The following NTM variants were observed in gnomAD, a reference collection of about 807,000 sequenced individuals.
The protein encoded by NTM is neurotrimin, also known as IgLON family member 2.
Under a neutral mutation model 42.1 loss-of-function variants are expected in NTM, and 13 were observed. That is an observed-to-expected ratio of 0.31 (90% CI 0.20 to 0.49). The LOEUF is 0.49. Ranked by LOEUF, NTM falls within the 20% of genes least tolerant of loss-of-function variation. NTM has a pLI of 0.99. For missense variants in NTM, 373 were observed against 452.8 expected (o/e 0.82, Z 1.60); for synonymous variants, 187 against 179.2 (o/e 1.04, Z -0.35).
chr11:131,394,758 G>A (rs905934014), intron 1 of NTM, among the ~76,000 whole-genome samples: 7 of 152,112 alleles, frequency 4.6e-5, no homozygotes, highest in Admixed American at 1.3e-4. Flanking sequence ...GCATCTCAGC[G>A]TCGAGCTCAG....
intron 1 of NTM, among the ~76,000 whole-genome samples, chr11:131,644,416 T>C (rs2065518025): frequency 6.6e-6 from 1 of 152,202 alleles, no homozygotes; most frequent in Non-Finnish European, 1.5e-5. Flanking sequence ...TTTCCCATTC[T>C]GTTCTTTTGA....
chr11:132,228,293 C>T (rs1384539485), intron 4 of NTM, among the ~76,000 whole-genome samples: 3 of 152,172 alleles, frequency 2.0e-5, no homozygotes, highest in Non-Finnish European at 4.4e-5. Flanking sequence ...GCTGTGAATT[C>T]TACATCAAGG....
chr11:131,759,512 C>T (rs1045350083), intron 1 of NTM, among the ~76,000 whole-genome samples: 1 of 152,094 alleles, frequency 6.6e-6, no homozygotes, highest in African/African-American at 2.4e-5. Context: ...CTTCTCTCTT[C>T]CTCCTTTTTT....
At chr11:131,673,659 T>C (rs1195319611) in intron 1 of NTM, among the ~76,000 whole-genome samples, 2 of 152,294 alleles carry the variant, frequency 1.3e-5, no homozygotes, top group Admixed American at 6.5e-5. Context: ...CATCCCTCAC[T>C]GGGAGCACTG....
intron 2 of NTM, among the ~76,000 whole-genome samples, chr11:132,138,307 G>T (rs79638040): frequency 3.9e-5 from 6 of 152,122 alleles, no homozygotes; most frequent in Admixed American, 6.5e-5. Context: ...CACTCATGGG[G>T]GAACAGCAAA....
chr11:131,918,054 A>G (rs1012221962), intron 2 of NTM, among the ~76,000 whole-genome samples: 1 of 152,164 alleles, frequency 6.6e-6, no homozygotes, highest in Non-Finnish European at 1.5e-5. Flanking sequence ...CCTCTTTTAA[A>G]TGCATTGCGT....
At chr11:131,376,847 G>T (rs1942038370) in intron 1 of NTM, among the ~76,000 whole-genome samples, 1 of 152,136 alleles carries the variant, frequency 6.6e-6, no homozygotes, top group African/African-American at 2.4e-5. Flanking sequence ...CCATCTGGTT[G>T]TTTATTTGCC....
At chr11:131,797,936 A>G (rs2091750234) in intron 1 of NTM, among the ~76,000 whole-genome samples, 1 of 151,982 alleles carries the variant, frequency 6.6e-6, no homozygotes, top group Non-Finnish European at 1.5e-5. Flanking sequence ...CACGCATTCA[A>G]CTCGGTTTTG....
intron 1 of NTM, among the ~76,000 whole-genome samples, chr11:131,777,449 A>G: frequency 1.3e-5 from 1 of 76,586 alleles, no homozygotes; most frequent in African/African-American, 5.4e-5. Flanking sequence ...CCCACCCCCC[A>G]CCCCATGCAA....
In NTM at chr11:131,670,294, T is replaced by C. The variant is rs546411317; in HGVS notation, c.83-241270T>C. ...GCAAAATGAACCAAAGAAGGAAAAA[T>C]AGAAAAAAATTGCTCTCAAATCTTT... On this transcript the variant is annotated intron_variant, in intron 1 of 8. Coordinates refer to ENST00000683400, the MANE Select transcript of NTM (RefSeq NM_001352005.2). Among the ~76,000 whole-genome samples the C allele has an allele frequency of 3.3e-5, 5 of 152,054 alleles. No homozygotes were observed. In the South Asian group the frequency reaches 1.0e-3, roughly 32 times the overall value.
chr11:132,012,523 C>T (rs1046339864), intron 2 of NTM, among the ~76,000 whole-genome samples: 6 of 152,040 alleles, frequency 3.9e-5, no homozygotes, highest in East Asian at 3.9e-4. Context: ...ATAAAGAAGA[C>T]GTATAAGAAA....
At chr11:132,125,136 G>T (rs1031361972) in intron 2 of NTM, among the ~76,000 whole-genome samples, 6 of 152,222 alleles carry the variant, frequency 3.9e-5, no homozygotes, top group Non-Finnish European at 8.8e-5. Context: ...AACGCAAACG[G>T]ATGGGCTCAC....
chr11:131,991,039 C>T (rs750796496), intron 2 of NTM, among the ~76,000 whole-genome samples: 8 of 152,062 alleles, frequency 5.3e-5, no homozygotes, highest in Admixed American at 1.3e-4. Context: ...ATGGGCTCAA[C>T]GACTCATTCA....
chr11:132,220,279 C>G (rs527541535), intron 4 of NTM, among the ~76,000 whole-genome samples: 1 of 152,294 alleles, frequency 6.6e-6, no homozygotes, highest in Admixed American at 6.5e-5. Flanking sequence ...GGCTTAAACA[C>G]AGACAGGCAG....
At chr11:131,568,297 G>T (rs1181081935) in intron 1 of NTM, among the ~76,000 whole-genome samples, 1 of 152,202 alleles carries the variant, frequency 6.6e-6, no homozygotes, top group East Asian at 1.9e-4. Flanking sequence ...CAGTCCTCTT[G>T]CAAGACAGTG....
intron 4 of NTM, among the ~76,000 whole-genome samples, chr11:132,219,050 T>C (rs1200990539): frequency 6.6e-6 from 1 of 151,636 alleles, no homozygotes; most frequent in Non-Finnish European, 1.5e-5. Flanking sequence ...CTAGACCCCA[T>C]TTTCTCCACA....
intron 1 of NTM, among the ~76,000 whole-genome samples, chr11:131,432,419 A>G (rs140994014): frequency 9.8e-5 from 15 of 152,308 alleles, no homozygotes; most frequent in African/African-American, 2.9e-4. Flanking sequence ...TCTTCTTTAC[A>G]TTGGAGGATG....
At chr11:132,317,708 T>TTTATGTTTTG (rs2095467575) in intron 7 of NTM, 1 of 1,299,408 alleles carries the variant, frequency 7.7e-7, no homozygotes, top group Non-Finnish European at 1.0e-6. Context: ...TCTTCCTTGC[T>TTTATGTTTTG]TTATGTTTTG....
intron 3 of NTM, among the ~76,000 whole-genome samples, chr11:132,149,013 C>G (rs1249541083): frequency 7.9e-5 from 12 of 152,076 alleles, no homozygotes; most frequent in African/African-American, 2.9e-4. Context: ...TGGAAACAAG[C>G]TGGGTTAAAA....
Sources: gnomAD v4.1 joint callset for allele counts (sites outside exome capture counted in the v4.1 genomes callset) on GRCh38, gnomAD v4.1.1 for gene constraint, MANE v1.5 for transcripts, NCBI Gene and HGNC (gene_info 2026-07-23, HGNC 2026-07-21) for gene names.